TYR: variants seen among roughly 807,000 people sequenced by gnomAD.
TYR encodes tyrosinase.
A neutral mutation model predicts 51.5 loss-of-function variants in TYR; 58 were observed. The ratio of observed to expected loss-of-function variants is 1.13; its 90% CI spans 0.91 to 1.40. The LOEUF is 1.40. Among genes scored for constraint, TYR ranks in the 40% most tolerant of loss-of-function variants. The pLI, the probability that TYR is intolerant of heterozygous loss-of-function variation, is 0.00. For synonymous variants in TYR, 263 were observed against 235.2 expected, an observed-to-expected ratio of 1.12 and a Z score of -1.08; for missense variants, 732 against 647.4, an observed-to-expected ratio of 1.13 and a Z score of -1.42.
At chr11:89,245,882 C>T (rs989091494) in intron 3 of TYR, among the ~76,000 whole-genome samples, 5 of 151,418 alleles carry the variant, frequency 3.3e-5, no homozygotes, top group African/African-American at 1.2e-4. Context: ...GATCACGCTA[C>T]TGCACTCCAG....
intron 3 of TYR, among the ~76,000 whole-genome samples, chr11:89,274,894 G>T (rs928422326): frequency 6.6e-6 from 1 of 151,654 alleles, no homozygotes; most frequent in African/African-American, 2.4e-5. Flanking sequence ...GAGCTGTTTA[G>T]GTCCCTTTCA....
intron 3 of TYR, among the ~76,000 whole-genome samples, chr11:89,252,589 A>G (rs2135300730): frequency 6.6e-6 from 1 of 152,006 alleles, no homozygotes; most frequent in South Asian, 2.1e-4. Context: ...ATTCCCTGAA[A>G]AATTAGAAAC....
At chr11:89,187,094 G>C (rs1042686172) in intron 1 of TYR, among the ~76,000 whole-genome samples, 9 of 152,108 alleles carry the variant, frequency 5.9e-5, no homozygotes, top group Admixed American at 6.6e-5. Context: ...ACTCAAACAA[G>C]TCTTAGCATG....
intron 2 of TYR, among the ~76,000 whole-genome samples, chr11:89,223,325 A>G (rs34469199): frequency 0.17 from 25,409 of 152,098 alleles, 2,596 homozygotes; most frequent in African/African-American, 0.29. Context: ...TTCCTCTTTG[A>G]CTTATTCTTC....
intron 2 of TYR, among the ~76,000 whole-genome samples, chr11:89,223,454 A>C (rs1943938423): frequency 6.6e-6 from 1 of 152,192 alleles, no homozygotes; most frequent in African/African-American, 2.4e-5. Context: ...TAAAATAGAA[A>C]ATAGTTTGTT....
chr11:89,256,526 T>C (rs1295209341), intron 3 of TYR, among the ~76,000 whole-genome samples: 6 of 151,640 alleles, frequency 4.0e-5, no homozygotes, highest in African/African-American at 1.5e-4. Flanking sequence ...CAAGATTCAA[T>C]GAGAAAAAAC....
At chr11:89,277,330 G>A (rs575429) in intron 3 of TYR, among the ~76,000 whole-genome samples, 2,414 of 151,814 alleles carry the variant, frequency 0.016, 67 homozygotes, top group African/African-American at 0.055. Flanking sequence ...CTAGAAATTC[G>A]TGTGGCTGGA....
At chr11:89,183,879 C>T (rs564483399) in intron 1 of TYR, among the ~76,000 whole-genome samples, 1 of 152,212 alleles carries the variant, frequency 6.6e-6, no homozygotes, top group South Asian at 2.1e-4. Flanking sequence ...TTATTAAACA[C>T]TTTACACTTG....
intron 2 of TYR, among the ~76,000 whole-genome samples, chr11:89,211,386 C>G (rs1166348361): frequency 1.3e-5 from 2 of 152,134 alleles, no homozygotes; most frequent in Non-Finnish European, 2.9e-5. Context: ...GGGATCAATT[C>G]AACAAGAAGA....
At chr11:89,230,986 C>A (rs1209403247) in intron 3 of TYR, among the ~76,000 whole-genome samples, 1 of 150,618 alleles carries the variant, frequency 6.6e-6, no homozygotes, top group Admixed American at 6.6e-5. Context: ...GCCTGGCCAA[C>A]ATGGGGATAC....
intron 2 of TYR, among the ~76,000 whole-genome samples, chr11:89,222,575 C>T (rs989579806): frequency 7.9e-5 from 12 of 152,112 alleles, no homozygotes; most frequent in Middle Eastern, 3.4e-3. Context: ...CCCACCTCTA[C>T]GAAAAATACA....
At chr11:89,186,352 T>G (rs2135248731) in intron 1 of TYR, among the ~76,000 whole-genome samples, 1 of 152,340 alleles carries the variant, frequency 6.6e-6, no homozygotes, top group South Asian at 2.1e-4. Flanking sequence ...GGGTTTGTGC[T>G]TTATAAGTGA....
rs1291669349 is a variant in TYR, at chr11:89,295,403, CCTCACT to C, written c.*40_*45del. On this transcript the variant is annotated 3_prime_UTR_variant, in exon 5 of 5. Coordinates refer to ENST00000263321, the MANE Select transcript of TYR (RefSeq NM_000372.5). ...AATAGAGTAGGGCCAAAAAGCCTGA[CCTCACT>C]CTAACTCAAAGTAATGTCCAGGTTC... 6.5e-7 allele frequency: 1 copy of C among 1,536,738 alleles called. No individual in the cohort carries two copies. The highest frequency in any genetic ancestry group is 1.4e-5 in the African/African-American group (1 of 73,388).
intron 2 of TYR, chr11:89,200,277 C>T (rs1423004894): frequency 1.3e-5 from 2 of 152,126 alleles, no homozygotes; most frequent in Non-Finnish European, 2.9e-5. Context: ...GGGATTTCTC[C>T]ATATTGGCTG....
chr11:89,216,490 A>G (rs1943833854), intron 2 of TYR, among the ~76,000 whole-genome samples: 1 of 151,834 alleles, frequency 6.6e-6, no homozygotes, highest in Admixed American at 6.6e-5. Context: ...CATCTCTACT[A>G]AAAATACAAA....
At chr11:89,246,814 G>C (rs1042110185) in intron 3 of TYR, among the ~76,000 whole-genome samples, 1 of 152,076 alleles carries the variant, frequency 6.6e-6, no homozygotes, top group African/African-American at 2.4e-5. Context: ...CAGTAAGAAA[G>C]GTCCCTGGGG....
chr11:89,276,938 G>A (rs1486437553), intron 3 of TYR, among the ~76,000 whole-genome samples: 1 of 151,706 alleles, frequency 6.6e-6, no homozygotes, highest in East Asian at 1.9e-4. Flanking sequence ...TTTTGCCTCT[G>A]TAAAATGAGG....
intron 3 of TYR, among the ~76,000 whole-genome samples, chr11:89,279,557 G>A (rs1357343439): frequency 6.6e-6 from 1 of 151,580 alleles, no homozygotes; most frequent in African/African-American, 2.4e-5. Flanking sequence ...CTGGGTCTTT[G>A]GCTCTTCTTT....
intron 3 of TYR, among the ~76,000 whole-genome samples, chr11:89,237,075 C>T (rs1394752627): frequency 1.3e-5 from 2 of 152,182 alleles, no homozygotes; most frequent in African/African-American, 4.8e-5. Context: ...ATGGCCAACA[C>T]ACCACTGCTC....
Sources: allele counts gnomAD v4.1 joint callset (sites outside exome capture counted in the v4.1 genomes callset), GRCh38; gene constraint gnomAD v4.1.1; transcripts MANE v1.5; gene names NCBI Gene and HGNC (gene_info 2026-07-23, HGNC 2026-07-21).